FARP1: variants seen among roughly 807,000 people sequenced by gnomAD.
FARP1 encodes the protein FERM, ARH/RhoGEF and pleckstrin domain protein 1, also known as FERM, ARHGEF and pleckstrin domain-containing protein 1.
FARP1 carries 52 observed loss-of-function variants against 128.8 expected under a neutral mutation model. The observed-to-expected ratio is 0.40, with a 90% confidence interval of 0.32 to 0.51. The LOEUF (loss-of-function observed/expected upper bound fraction) is 0.51, where lower values mean the gene tolerates loss of function less well. Ranked by LOEUF, FARP1 falls within the 20% of genes least tolerant of loss-of-function variation. The pLI, the probability that FARP1 is intolerant of heterozygous loss-of-function variation, is 0.45. For synonymous variants in FARP1, 580 were observed against 551.8 expected (o/e 1.05, Z -0.72); for missense variants, 1,333 against 1,367.9 (o/e 0.97, Z 0.40).
Position 98,453,111 on chromosome 13 carries a change from A to T in FARP1, c.*4794A>T, listed in dbSNP as rs530028038. On this transcript the variant is annotated 3_prime_UTR_variant, in exon 27 of 27. Transcript: ENST00000319562. ...TCAGCGAAGGCTCTCGTTGACTTTT[A>T]AAAAAGGAGGAGGATGAAGAAGGAA... 5.3e-5 allele frequency: 85 copies of T among 1,592,178 alleles called. No homozygotes were observed. In the East Asian group the frequency reaches 1.5e-3, roughly 28 times the overall value.
chr13:98,417,225 A>C (rs1891409022), intron 16 of FARP1, among the ~76,000 whole-genome samples: 1 of 152,152 alleles, frequency 6.6e-6, no homozygotes, highest in African/African-American at 2.4e-5. Flanking sequence ...AAAGTGCTCC[A>C]AACAGTTGGA....
chr13:98,292,959 T>G (rs1189675950), intron 2 of FARP1, among the ~76,000 whole-genome samples: 1 of 152,102 alleles, frequency 6.6e-6, no homozygotes, highest in Non-Finnish European at 1.5e-5. Flanking sequence ...AAATATAACC[T>G]ATTTTAATAA....
At chr13:98,353,726 T>G (rs1481356980) in intron 3 of FARP1, among the ~76,000 whole-genome samples, 1 of 152,190 alleles carries the variant, frequency 6.6e-6, no homozygotes, top group East Asian at 1.9e-4. Context: ...TAAATATTTT[T>G]TAAAGGTTGA....
At chr13:98,401,677 A>C (rs1337201527) in intron 13 of FARP1, 1 of 151,804 alleles carries the variant, frequency 6.6e-6, no homozygotes, top group Non-Finnish European at 1.5e-5. Flanking sequence ...CACTTCATAA[A>C]ATAAACTGCA....
intron 1 of FARP1, among the ~76,000 whole-genome samples, chr13:98,168,951 T>C (rs577769792): frequency 1.3e-5 from 2 of 152,230 alleles, no homozygotes; most frequent in Non-Finnish European, 2.9e-5. Flanking sequence ...TGTTGGTGTG[T>C]ATATCATTAT....
At chr13:98,398,643 A>G (rs1890646249) in intron 13 of FARP1, 1 of 152,144 alleles carries the variant, frequency 6.6e-6, no homozygotes, top group Non-Finnish European at 1.5e-5. Context: ...GGGAAGAACT[A>G]CTTCTTTTTA....
chr13:98,378,865 C>G (rs932495414), intron 6 of FARP1, among the ~76,000 whole-genome samples: 10 of 136,816 alleles, frequency 7.3e-5, no homozygotes, highest in East Asian at 6.1e-4. Context: ...AAATAGGTAT[C>G]TTTATTAAGC....
intron 24 of FARP1, chr13:98,445,282 T>G (rs1952985084): frequency 6.6e-6 from 1 of 152,220 alleles, no homozygotes; most frequent in Non-Finnish European, 1.5e-5. Flanking sequence ...ATTAAGTGCC[T>G]TTACAAGGTG....
chr13:98,351,877 C>T (rs113062285), intron 3 of FARP1, among the ~76,000 whole-genome samples: 20 of 152,210 alleles, frequency 1.3e-4, no homozygotes, highest in African/African-American at 4.8e-4. Flanking sequence ...GACCCGTCCC[C>T]GTGAACCAGT....
rs561774324 is a variant in FARP1, at chr13:98,182,523, C to T, written c.-23-30697C>T. ...TGTATTTTTTGTAGAGACTGAGTCT[C>T]GCCATATTGCCCAGGCTGGTCTCAA... On this transcript the variant is annotated intron_variant, in intron 1 of 26. Transcript: ENST00000319562. Among the ~76,000 whole-genome samples the T allele has an allele frequency of 2.5e-4, 38 of 152,108 alleles. 1 individual carries two copies. Among genetic ancestry groups the T allele is most frequent in the African/African-American group, 3.1e-4 (13 of 41,482 alleles).
At position 98,435,683 on chromosome 13, in the gene FARP1, G is replaced by C. The variant is rs1420255476; in HGVS notation, c.2251G>C (p.Asp751His). Residue 751 changes from aspartate to histidine, a missense_variant, in exon 19 of 27, where the codon GAC becomes CAC. Transcript: ENST00000319562. ...HELKKDLIGI[D>H]NLVVPGREFI... ...ACTCAAGAAAGATTTGATTGGCATTGACAATCTTGTGGTTCCGGGAAGGGT... is the reference window on the plus strand; with the variant it reads ...ACTCAAGAAAGATTTGATTGGCATTCACAATCTTGTGGTTCCGGGAAGGGT... 4.3e-6 allele frequency: 7 copies of C among 1,614,048 alleles called. No homozygotes were observed. The highest frequency in any genetic ancestry group is 5.9e-6 in the Non-Finnish European group (7 of 1,180,036).
At chr13:98,397,112 A>G (rs1449459523) in intron 13 of FARP1, 1 of 152,234 alleles carries the variant, frequency 6.6e-6, no homozygotes, top group Non-Finnish European at 1.5e-5. Flanking sequence ...TTCCTGTGAA[A>G]TACTAGAAAA....
intron 2 of FARP1, among the ~76,000 whole-genome samples, chr13:98,280,482 C>A (rs1301126004): frequency 6.6e-6 from 1 of 152,224 alleles, no homozygotes; most frequent in Non-Finnish European, 1.5e-5. Flanking sequence ...ATGTGCTCCC[C>A]GCTCACCCCA....
rs1215548376 is a variant in FARP1, at chr13:98,283,770, G to A, written c.172-59992G>A. 2.6e-5 allele frequency among the ~76,000 whole-genome samples: 4 copies of A among 152,160 alleles called. No homozygotes were observed. In the South Asian group the frequency reaches 6.2e-4, roughly 24 times the overall value. On this transcript the variant is annotated intron_variant, in intron 2 of 26. Coordinates refer to ENST00000319562, the MANE Select transcript of FARP1 (RefSeq NM_005766.4). ...GCAGATGAAGATAATTACTTAGCTT[G>A]TTTATAGAATACACTGCCACAAATA...
chr13:98,169,551 CT>C (rs1877505603), intron 1 of FARP1, among the ~76,000 whole-genome samples: 1 of 152,176 alleles, frequency 6.6e-6, no homozygotes, highest in Admixed American at 6.5e-5. Context: ...AGGGCAAGAC[CT>C]TGTCTCGTCT....
intron 19 of FARP1, among the ~76,000 whole-genome samples, chr13:98,438,391 T>C (rs1224056130): frequency 6.6e-6 from 1 of 152,046 alleles, no homozygotes; most frequent in Non-Finnish European, 1.5e-5. Context: ...CCTTCTGATC[T>C]CCCTCACCGT....
At chr13:98,372,276 G>A (rs1252227810) in intron 5 of FARP1, among the ~76,000 whole-genome samples, 1 of 151,778 alleles carries the variant, frequency 6.6e-6, no homozygotes, top group African/African-American at 2.4e-5. Context: ...TAGTAGAGAC[G>A]GGGTTTCACC....
At chr13:98,256,392 G>A (rs138638794) in intron 2 of FARP1, among the ~76,000 whole-genome samples, 167 of 152,148 alleles carry the variant, frequency 1.1e-3, no homozygotes, top group African/African-American at 3.7e-3. Flanking sequence ...CAGGGGAGAG[G>A]GGAAAATGGG....
chr13:98,413,260 A>G (rs1019030720), intron 16 of FARP1, among the ~76,000 whole-genome samples: 4 of 152,238 alleles, frequency 2.6e-5, no homozygotes, highest in African/African-American at 9.6e-5. Flanking sequence ...AATTGGAGAA[A>G]TAATAGGTAC....
Sources: gnomAD v4.1 joint callset for allele counts (sites outside exome capture counted in the v4.1 genomes callset) on GRCh38, gnomAD v4.1.1 for gene constraint, MANE v1.5 for transcripts, NCBI Gene and HGNC (gene_info 2026-07-23, HGNC 2026-07-21) for gene names.